Variants in SLC44A5 observed in about 807,000 individuals in gnomAD.
SLC44A5 encodes solute carrier family 44 member 5.
A neutral mutation model predicts 101.8 loss-of-function variants in SLC44A5; 57 were observed. That is an observed-to-expected ratio of 0.56 (90% CI 0.45 to 0.70). The LOEUF is 0.70. SLC44A5 is among the 30% of genes least tolerant of loss of function. The pLI, the probability that SLC44A5 is intolerant of heterozygous loss-of-function variation, is 0.00. For missense variants in SLC44A5, 737 were observed against 853.1 expected, an observed-to-expected ratio of 0.86 and a Z score of 1.70; for synonymous variants, 281 against 290.9, an observed-to-expected ratio of 0.97 and a Z score of 0.35.
intron 2 of SLC44A5, among the ~76,000 whole-genome samples, chr1:75,503,220 T>C (rs1487694758): frequency 6.6e-6 from 1 of 152,118 alleles, no homozygotes; most frequent in East Asian, 1.9e-4. Context: ...TAATACATAT[T>C]AATAATTTAT....
At chr1:75,550,740 G>T (rs933279099) in intron 1 of SLC44A5, among the ~76,000 whole-genome samples, 1 of 152,060 alleles carries the variant, frequency 6.6e-6, no homozygotes, top group South Asian at 2.1e-4. Flanking sequence ...AACTGAATCA[G>T]GGAGAAGGAA....
At position 75,258,612 on chromosome 1, in the gene SLC44A5, T is replaced by C. The variant is rs183015798; in HGVS notation, c.261-7318A>G. Among the ~76,000 whole-genome samples, 502 of 152,166 alleles carry C rather than the reference T, an allele frequency of 3.3e-3. 5 individuals carry two copies. The highest frequency in any genetic ancestry group is 0.011 in the African/African-American group (470 of 41,472). ...GTCGGGGGTCCAGCTTCAGCAGACT[T>C]AAAAGTCCCTGCTGGCAGCTCTGAA... On this transcript the variant is annotated intron_variant, in intron 6 of 23. Coordinates refer to ENST00000370859, the MANE Select transcript of SLC44A5 (RefSeq NM_001130058.2).
At chr1:75,351,830 G>GAAAAAA (rs1480296618) in intron 3 of SLC44A5, among the ~76,000 whole-genome samples, 1 of 3,776 alleles carries the variant, frequency 2.6e-4, no homozygotes, top group African/African-American at 1.6e-3. Context: ...TCATCATAAT[G>GAAAAAA]AATAACACAC....
chr1:75,288,375 A>G (rs2100811502), intron 5 of SLC44A5, among the ~76,000 whole-genome samples: 1 of 152,196 alleles, frequency 6.6e-6, no homozygotes, highest in East Asian at 1.9e-4. Context: ...AACATGAAAA[A>G]CTTTATGTTA....
At chr1:75,377,036 G>A (rs1407463377) in intron 3 of SLC44A5, among the ~76,000 whole-genome samples, 1 of 152,206 alleles carries the variant, frequency 6.6e-6, no homozygotes, top group Non-Finnish European at 1.5e-5. Flanking sequence ...GAATGAAGAA[G>A]CCTCAGGAGT....
chr1:75,711,657 T>C, the SLC44A5 span, among the ~76,000 whole-genome samples: 1 of 152,160 alleles, frequency 6.6e-6, no homozygotes, highest in Admixed American at 6.5e-5. Flanking sequence ...GCAGGAAAAG[T>C]CAAGGACAAG....
At chr1:75,469,383 G>A (rs1310322841) in intron 2 of SLC44A5, among the ~76,000 whole-genome samples, 1 of 152,058 alleles carries the variant, frequency 6.6e-6, no homozygotes, top group Non-Finnish European at 1.5e-5. Flanking sequence ...TAATAAGCGT[G>A]AGCTGTAACA....
chr1:75,705,027 C>G, the SLC44A5 span, among the ~76,000 whole-genome samples: 1 of 152,126 alleles, frequency 6.6e-6, no homozygotes, highest in Non-Finnish European at 1.5e-5. Context: ...TCATGTTTAT[C>G]TACATCAGCT....
At chr1:75,385,331 A>G (rs1328209519) in intron 3 of SLC44A5, among the ~76,000 whole-genome samples, 2 of 149,514 alleles carry the variant, frequency 1.3e-5, no homozygotes, top group African/African-American at 5.0e-5. Flanking sequence ...AAAGAAAAAA[A>G]GAGAGAAGAA....
chr1:75,645,276 T>C, the SLC44A5 span, among the ~76,000 whole-genome samples: 1 of 152,156 alleles, frequency 6.6e-6, no homozygotes, highest in Non-Finnish European at 1.5e-5. Flanking sequence ...CTCCACATCC[T>C]CTCCAGCACC....
chr1:75,628,950 A>C, the SLC44A5 span, among the ~76,000 whole-genome samples: 7 of 152,278 alleles, frequency 4.6e-5, no homozygotes, highest in South Asian at 8.3e-4. Flanking sequence ...AACTAGTTGC[A>C]TGTTCTACCA....
intron 3 of SLC44A5, among the ~76,000 whole-genome samples, chr1:75,392,485 T>TA (rs1273519463): frequency 7.1e-6 from 1 of 140,840 alleles, no homozygotes; most frequent in Non-Finnish European, 1.5e-5. Flanking sequence ...GTGGTAATTA[T>TA]AAAAAAGTTA....
the SLC44A5 span, among the ~76,000 whole-genome samples, chr1:75,660,671 C>A: frequency 3.9e-5 from 6 of 151,966 alleles, no homozygotes; most frequent in Admixed American, 6.6e-5. Flanking sequence ...AGCATTCCAG[C>A]CAACAATCTG....
intron 3 of SLC44A5, among the ~76,000 whole-genome samples, chr1:75,354,170 T>G (rs946422748): frequency 6.6e-6 from 1 of 152,200 alleles, no homozygotes; most frequent in African/African-American, 2.4e-5. Context: ...TAACCATAAA[T>G]TCCCTTGATC....
chr1:75,225,019 A>G lies in SLC44A5; in HGVS notation c.986-2559T>C, dbSNP rs77663167. The stretch of plus-strand genomic sequence containing the variant: ...TGTAGCCTACATGTACAGTGCTTAT[A>G]AAGTCTACAGTAGTGTACAGTAATT... On this transcript the variant is annotated intron_variant, in intron 13 of 23. Coordinates refer to ENST00000370859, the MANE Select transcript of SLC44A5 (RefSeq NM_001130058.2). Among the ~76,000 whole-genome samples, 883 of 152,330 alleles carry G rather than the reference A, an allele frequency of 5.8e-3. 11 individuals are homozygous for G. The highest frequency in any genetic ancestry group is 0.021 in the African/African-American group (853 of 41,578).
rs879641435 is a variant in SLC44A5 at position 75,203,728 on chromosome 1, T to A, written c.2153A>T (p.Ter718LeuextTer82). 18 of 1,548,252 alleles carry A rather than the reference T, an allele frequency of 1.2e-5. No homozygotes were observed. The African/African-American group carries it at 1.4e-4, about 12-fold the overall frequency. ...QEENPQTRKQ[*>L] ...CTGTAGGACGACCAGTTTGCTCTTC[T>A]ACTGCTTCCTAGTTTGTGGATTTTC... is the stretch of plus-strand genomic sequence containing the variant. The change falls in exon 24 of 24, where the codon TAG (stop) becomes TTG (leucine). Residue 718 changes from the stop codon to leucine (L), a stop_lost. Transcript: ENST00000370859.
the SLC44A5 span, among the ~76,000 whole-genome samples, chr1:75,675,433 G>C: frequency 1.3e-5 from 2 of 152,010 alleles, no homozygotes; most frequent in African/African-American, 2.4e-5. Flanking sequence ...TGGTATATAG[G>C]AATGCTTAAG....
chr1:75,701,672 GAAAT>G, the SLC44A5 span, among the ~76,000 whole-genome samples: 2 of 152,150 alleles, frequency 1.3e-5, no homozygotes, highest in Non-Finnish European at 2.9e-5. Flanking sequence ...TCAGGCAGGA[GAAAT>G]AAATAAAGGG....
At chr1:75,339,659 A>G (rs760020208) in intron 3 of SLC44A5, 29 bp from the exon 4 acceptor site, 2 of 1,576,786 alleles carry the variant, frequency 1.3e-6, no homozygotes, top group Admixed American at 3.6e-5. Flanking sequence ...CATTTTAAGC[A>G]TATAAGCCAG....
Sources: gnomAD v4.1 joint callset for allele counts (sites outside exome capture counted in the v4.1 genomes callset) on GRCh38, gnomAD v4.1.1 for gene constraint, MANE v1.5 for transcripts, NCBI Gene and HGNC (gene_info 2026-07-23, HGNC 2026-07-21) for gene names.